DDTL: variants seen among roughly 807,000 people sequenced by gnomAD.
The protein encoded by DDTL is D-dopachrome tautomerase like.
Under a neutral mutation model 1.1 loss-of-function variants are expected in DDTL, and 1 was observed. The observed-to-expected ratio is 0.91, with a 90% CI of 0.32 to 4.31. The LOEUF (loss-of-function observed/expected upper bound fraction) is 4.31. Ranked by LOEUF, DDTL falls within the 30% of genes most tolerant of loss-of-function variation. The probability of loss-of-function intolerance (pLI) is 0.17; values close to 1 mark genes in which losing one functional copy is unlikely to be tolerated. For missense variants in DDTL, 54 were observed against 48.9 expected, an observed-to-expected ratio of 1.10 and a Z score of -0.31; for synonymous variants, 21 against 16.6, an observed-to-expected ratio of 1.26 and a Z score of -0.64.
intron 2 of DDTL, chr22:23,969,332 C>T: frequency 2.0e-6 from 2 of 985,510 alleles, no homozygotes; most frequent in Non-Finnish European, 2.4e-6. Flanking sequence ...TGTGCCCAAC[C>T]TTTGAGAAAA....
intron 2 of DDTL, chr22:23,969,280 T>C: frequency 6.1e-6 from 6 of 985,546 alleles, no homozygotes; most frequent in Non-Finnish European, 7.2e-6. Flanking sequence ...GAGAGGGGCA[T>C]GTTGGCTTAT....
chr22:23,970,754 T>C (rs2033886832), intron 2 of DDTL, among the ~76,000 whole-genome samples: 1 of 152,194 alleles, frequency 6.6e-6, no homozygotes, highest in African/African-American at 2.4e-5. Context: ...GTGGCACAGT[T>C]GCAACAGGAG....
At chr22:23,969,589 G>C in intron 2 of DDTL, 1 of 985,572 alleles carries the variant, frequency 1.0e-6, no homozygotes, top group Non-Finnish European at 1.2e-6. Flanking sequence ...AATGGGCTGA[G>C]GTGGGAGGAT....
At chr22:23,970,640 G>T (rs1000155777) in intron 2 of DDTL, among the ~76,000 whole-genome samples, 1 of 152,132 alleles carries the variant, frequency 6.6e-6, no homozygotes, top group Non-Finnish European at 1.5e-5. Context: ...TTAACTGTGT[G>T]TAAATGGTAT....
chr22:23,971,310 C>G lies in DDTL; in HGVS notation c.309C>G (p.Ser103Arg). ...QDRFPTVLST[S>R]PAAHGGPRCP... ...GGTTCCCTACGGTCTTATCCACCAG[C>G]CCTGCTGCCCATGGTGGCCCCAGAT... Residue 103 changes from serine (S) to arginine (R), a missense_variant, in exon 3 of 3, where the codon AGC becomes AGG. Physicochemically the swap from Ser to Arg is moderately radical, Grantham distance 110. Coordinates refer to ENST00000215770, the MANE Select transcript of DDTL (RefSeq NM_001084393.2). 2 of 1,614,042 alleles carry G rather than the reference C, an allele frequency of 1.2e-6. No individual in the cohort carries two copies. Among genetic ancestry groups the G allele is most frequent in the Non-Finnish European group, 1.7e-6 (2 of 1,179,944 alleles).
At chr22:23,969,624 C>A in intron 2 of DDTL, 1 of 984,892 alleles carries the variant, frequency 1.0e-6, no homozygotes. Context: ...AATTCAAGAC[C>A]ACCCTGGGAA....
intron 2 of DDTL, among the ~76,000 whole-genome samples, chr22:23,970,376 C>T (rs968731071): frequency 3.3e-5 from 5 of 151,786 alleles, no homozygotes; most frequent in Non-Finnish European, 7.4e-5. Context: ...TAAATGTGAG[C>T]AGTGTGAATT....
Position 23,971,575 on chromosome 22 carries a change from T to C in DDTL, c.*169T>C, listed in dbSNP as rs760824224. 2.5e-6 allele frequency: 4 copies of C among 1,614,038 alleles called. No individual in the cohort carries two copies. In the African/African-American group the frequency reaches 4.0e-5, roughly 16 times the overall value. On this transcript the variant is annotated 3_prime_UTR_variant, in exon 3 of 3. Coordinates refer to ENST00000215770, the MANE Select transcript of DDTL (RefSeq NM_001084393.2). ...ATCATAAAAAAGTCATGACCGTCCCTATCTTGCCAATCTGCCAGGACTCCA... is the reference window on the plus strand; with the variant it reads ...ATCATAAAAAAGTCATGACCGTCCCCATCTTGCCAATCTGCCAGGACTCCA...
chr22:23,969,391 G>A (rs1026634134), intron 2 of DDTL: 3 of 983,432 alleles, frequency 3.1e-6, no homozygotes, highest in South Asian at 4.7e-5. Context: ...TTAGGAGGAG[G>A]CAGATTGCCC....
At chr22:23,970,508 TGTGA>T (rs1254670702) in intron 2 of DDTL, among the ~76,000 whole-genome samples, 1 of 151,466 alleles carries the variant, frequency 6.6e-6, no homozygotes, top group Admixed American at 6.6e-5. Context: ...CAGTGAATGC[TGTGA>T]TTGTGTGTGT....
chr22:23,969,429 G>A (rs2033859474), intron 2 of DDTL: 43 of 986,052 alleles, frequency 4.4e-5, no homozygotes, highest in Non-Finnish European at 4.9e-5. Flanking sequence ...CAGAGATGAT[G>A]GAGTGTGCAG....
chr22:23,971,274 AT>A lies in DDTL; in HGVS notation c.285-11del, dbSNP rs1281090327. 2 of 1,607,946 alleles carry A rather than the reference AT, an allele frequency of 1.2e-6. No individual in the cohort carries two copies. Among genetic ancestry groups the A allele is most frequent in the South Asian group, 2.2e-5 (2 of 90,440 alleles). ...GCCCCAGATCTGAGCAGTCTAAATC[AT>A]CCCCCTCCAGGTTCCCTACGGTCTT... On this transcript the variant is annotated splice_polypyrimidine_tract_variant and intron_variant, in intron 2 of 2. Transcript: ENST00000215770.
At chr22:23,969,305 T>G in intron 2 of DDTL, 1 of 985,264 alleles carries the variant, frequency 1.0e-6, no homozygotes, top group African/African-American at 1.7e-5. Flanking sequence ...CAGACATTAG[T>G]GGTGGGGGGG....
At position 23,971,885 on chromosome 22, in the gene DDTL, ACT is replaced by A. The variant is rs1031691364; in HGVS notation, c.*482_*483del. On this transcript the variant is annotated 3_prime_UTR_variant, in exon 3 of 3. Coordinates refer to ENST00000215770, the MANE Select transcript of DDTL (RefSeq NM_001084393.2). ...AGTAGCCTCGGTGTGTGTGCCGTAC[ACT>A]CTATCATCTCCATCAGTTTGTGTAC... 8 of 448,050 alleles carry A rather than the reference ACT, an allele frequency of 1.8e-5. No homozygotes were observed. The highest frequency in any genetic ancestry group is 7.7e-5 in the Admixed American group (2 of 26,058). The allele number at this position is 448,050 out of a possible 1,614,324, so 27.8% of individuals were successfully genotyped here.
At chr22:23,971,099 G>A (rs1180426974) in intron 2 of DDTL, among the ~76,000 whole-genome samples, 187 bp from the exon 3 acceptor site, 1 of 152,232 alleles carries the variant, frequency 6.6e-6, no homozygotes, top group Non-Finnish European at 1.5e-5. Context: ...ACTTCAGGAG[G>A]AGTACAGAGG....
chr22:23,971,624 C>T lies in DDTL; in HGVS notation c.*218C>T. 1 of 1,613,338 alleles carries T rather than the reference C, an allele frequency of 6.2e-7. No individual in the cohort carries two copies. Among genetic ancestry groups the T allele is most frequent in the Admixed American group, 1.7e-5 (1 of 59,962 alleles). On this transcript the variant is annotated 3_prime_UTR_variant, in exon 3 of 3. Coordinates refer to ENST00000215770, the MANE Select transcript of DDTL (RefSeq NM_001084393.2). ...CAAGGGGAAAAAGCGGATAAGTATC[C>T]TTCAGGAGACAGAGAAAAAGATATC...
chr22:23,971,042 G>A (rs2033891312), intron 2 of DDTL, among the ~76,000 whole-genome samples: 1 of 152,264 alleles, frequency 6.6e-6, no homozygotes, highest in Non-Finnish European at 1.5e-5. Context: ...GTGGGGAAAA[G>A]GGGAGAGTGG....
chr22:23,972,096 C>T lies in DDTL; in HGVS notation c.*690C>T. The T allele has an allele frequency of 1.1e-6, 1 of 895,852 alleles. No homozygotes were observed. The highest frequency in any genetic ancestry group is 5.1e-5 in the South Asian group (1 of 19,592). 55.5% of individuals were successfully genotyped at this position (895,852 alleles called of 1,614,324 possible). ...AAGTTTCCAGTGAGGAAAACCAGAA[C>T]TTGGGACAGCCTGGTTGGGGCGGGC... On this transcript the variant is annotated 3_prime_UTR_variant, in exon 3 of 3. Coordinates refer to ENST00000215770, the MANE Select transcript of DDTL (RefSeq NM_001084393.2).
chr22:23,972,047 C>T lies in DDTL; in HGVS notation c.*641C>T. ...CACTAATGTCTGGGCCATAAGTGAA[C>T]ATGCCCCTCTCAGAGGTAACAGCAA... is the stretch of plus-strand genomic sequence containing the variant. On this transcript the variant is annotated 3_prime_UTR_variant, in exon 3 of 3. Transcript: ENST00000215770. The T allele has an allele frequency of 2.2e-6, 1 of 453,272 alleles. No individual in the cohort carries two copies. Among genetic ancestry groups the T allele is most frequent in the Non-Finnish European group, 2.9e-6 (1 of 342,390 alleles). 28.1% of individuals were successfully genotyped at this position (453,272 alleles called of 1,614,324 possible).
Sources: allele counts gnomAD v4.1 joint callset (sites outside exome capture counted in the v4.1 genomes callset), GRCh38; gene constraint gnomAD v4.1.1; transcripts MANE v1.5; gene names NCBI Gene and HGNC (gene_info 2026-07-23, HGNC 2026-07-21).